The following MYRIP variants were observed in gnomAD, a reference collection of about 807,000 sequenced individuals.
MYRIP encodes the protein rab effector MyRIP.
Under a neutral mutation model 98.0 loss-of-function variants are expected in MYRIP, and 49 were observed. The ratio of observed to expected loss-of-function variants is 0.50; its 90% CI spans 0.40 to 0.63. The LOEUF is 0.63. Among genes scored for constraint, MYRIP ranks in the 30% least tolerant of loss-of-function variants. MYRIP has a pLI of 0.00. For missense variants in MYRIP, 1,004 were observed against 1,058.2 expected, an observed-to-expected ratio of 0.95 and a Z score of 0.71; for synonymous variants, 404 against 409.5, an observed-to-expected ratio of 0.99 and a Z score of 0.16.
At chr3:40,102,701 T>G (rs1948969178) in intron 3 of MYRIP, among the ~76,000 whole-genome samples, 1 of 151,804 alleles carries the variant, frequency 6.6e-6, no homozygotes, top group Admixed American at 6.6e-5. Context: ...CAGCCGGGAG[T>G]GTCACCTCTG....
chr3:39,896,544 G>C (rs1338942425), intron 1 of MYRIP, among the ~76,000 whole-genome samples: 1 of 152,176 alleles, frequency 6.6e-6, no homozygotes, highest in African/African-American at 2.4e-5. Flanking sequence ...AAATGTGAGA[G>C]TCTTAACATT....
chr3:40,092,457 A>C (rs1016526212), intron 3 of MYRIP, among the ~76,000 whole-genome samples: 1 of 152,144 alleles, frequency 6.6e-6, no homozygotes, highest in Admixed American at 6.5e-5. Flanking sequence ...TCTTAAGCTG[A>C]TGGAGGGGCA....
At chr3:40,235,567 A>T (rs576060140) in intron 12 of MYRIP, among the ~76,000 whole-genome samples, 17 of 152,378 alleles carry the variant, frequency 1.1e-4, no homozygotes, top group East Asian at 7.7e-4. Flanking sequence ...AAGAAAGGAA[A>T]TAAAACAAGT....
chr3:40,213,388 T>C (rs1482923024), intron 11 of MYRIP, among the ~76,000 whole-genome samples: 1 of 152,224 alleles, frequency 6.6e-6, no homozygotes, highest in Admixed American at 6.5e-5. Context: ...AGCTTCACTG[T>C]CATGAAATAA....
intron 16 of MYRIP, among the ~76,000 whole-genome samples, chr3:40,252,410 T>C (rs1311512668): frequency 3.9e-5 from 6 of 152,150 alleles, no homozygotes. Context: ...GAGCCAACTC[T>C]GGCCCCAAAC....
chr3:40,179,787 A>G (rs889894779), intron 8 of MYRIP, among the ~76,000 whole-genome samples: 6 of 152,210 alleles, frequency 3.9e-5, no homozygotes, highest in African/African-American at 1.4e-4. Context: ...TCAGTGCACA[A>G]CGATAACAGT....
intron 1 of MYRIP, among the ~76,000 whole-genome samples, chr3:39,867,516 A>C (rs942147508): frequency 6.6e-6 from 1 of 152,162 alleles, no homozygotes; most frequent in Non-Finnish European, 1.5e-5. Flanking sequence ...CAAATGATGA[A>C]TAGACATACA....
At chr3:39,911,392 C>T (rs1944017429) in intron 2 of MYRIP, among the ~76,000 whole-genome samples, 1 of 152,294 alleles carries the variant, frequency 6.6e-6, no homozygotes, top group East Asian at 1.9e-4. Flanking sequence ...TCCCCATAAT[C>T]CCACTTTCTT....
intron 1 of MYRIP, among the ~76,000 whole-genome samples, chr3:39,818,691 T>C (rs1047187729): frequency 1.3e-5 from 2 of 152,222 alleles, no homozygotes; most frequent in African/African-American, 4.8e-5. Context: ...TCAGTAAACA[T>C]CCTTGAAATT....
rs2002223 is a variant in MYRIP at position 39,835,909 on chromosome 3, C to A, written c.-31+25993C>A. 6.4e-3 allele frequency among the ~76,000 whole-genome samples: 971 copies of A among 152,306 alleles called. 18 individuals carry two copies. The highest frequency in any genetic ancestry group is 0.022 in the African/African-American group (907 of 41,574). ...GTTTCCAGCTTCATCCATGTCCCTG[C>A]AAAGGACATGAACTCATTCTTTTTT... is the stretch of plus-strand genomic sequence containing the variant. On this transcript the variant is annotated intron_variant, in intron 1 of 16. Transcript: ENST00000302541.
At chr3:40,149,508 C>G (rs546000145) in intron 3 of MYRIP, among the ~76,000 whole-genome samples, 2 of 152,314 alleles carry the variant, frequency 1.3e-5, no homozygotes, top group African/African-American at 2.4e-5. Context: ...AGTCTTAAAT[C>G]TGAAGTAGAT....
In MYRIP at chr3:39,850,951, C is replaced by T. The variant is rs115883853; in HGVS notation, c.-31+41035C>T. On this transcript the variant is annotated intron_variant, in intron 1 of 16. Coordinates refer to ENST00000302541, the MANE Select transcript of MYRIP (RefSeq NM_015460.4). Reference sequence around the variant, plus strand: ...TGCAGGGGATCCATATTAAAATACCCGAAGAATGTGAAGCAGACAGAGAAA... The same window carrying T: ...TGCAGGGGATCCATATTAAAATACCTGAAGAATGTGAAGCAGACAGAGAAA... Among the ~76,000 whole-genome samples, 767 of 151,808 alleles carry T rather than the reference C, an allele frequency of 5.1e-3. 8 individuals are homozygous for T. Among genetic ancestry groups the T allele is most frequent in the Non-Finnish European group, 4.4e-3 (299 of 67,976 alleles).
chr3:40,203,999 ATTATATATTATATATAATATATATTAT>A (rs1157498822), intron 10 of MYRIP, among the ~76,000 whole-genome samples: 172 of 1,082 alleles, frequency 0.16, 26 homozygotes, highest in African/African-American at 0.26. Context: ...TATTATATAT[ATTATATATTATATATAATATATATTAT>A]ATATATTATA....
At chr3:39,966,470 T>G (rs142698693) in intron 2 of MYRIP, among the ~76,000 whole-genome samples, 1 of 152,288 alleles carries the variant, frequency 6.6e-6, no homozygotes, top group East Asian at 1.9e-4. Context: ...TCTTAGTGAA[T>G]AGCATAGATA....
At chr3:40,175,056 G>T (rs1341883994) in intron 8 of MYRIP, among the ~76,000 whole-genome samples, 1 of 152,054 alleles carries the variant, frequency 6.6e-6, no homozygotes, top group Non-Finnish European at 1.5e-5. Flanking sequence ...CAGGAGAATG[G>T]CATGAACCTG....
intron 8 of MYRIP, among the ~76,000 whole-genome samples, chr3:40,176,577 C>T (rs887870059): frequency 1.3e-5 from 2 of 151,960 alleles, no homozygotes; most frequent in African/African-American, 4.8e-5. Context: ...CAGTGAGACC[C>T]CATCTCTACA....
chr3:39,834,861 CAA>C (rs1162181375), intron 1 of MYRIP, among the ~76,000 whole-genome samples: 1 of 151,554 alleles, frequency 6.6e-6, no homozygotes, highest in Non-Finnish European at 1.5e-5. Flanking sequence ...GATAAGGAAA[CAA>C]TATATCACAA....
intron 2 of MYRIP, among the ~76,000 whole-genome samples, chr3:39,993,512 C>T (rs1203841995): frequency 6.6e-6 from 1 of 152,158 alleles, no homozygotes; most frequent in East Asian, 1.9e-4. Flanking sequence ...AAAAGTACCA[C>T]CATGTTGGGT....
At chr3:40,235,868 G>A (rs1952809352) in intron 12 of MYRIP, among the ~76,000 whole-genome samples, 1 of 152,126 alleles carries the variant, frequency 6.6e-6, no homozygotes, top group Admixed American at 6.6e-5. Context: ...ACATTTAGAA[G>A]GGTTAAACAC....
Sources: allele counts gnomAD v4.1 joint callset (sites outside exome capture counted in the v4.1 genomes callset), GRCh38; gene constraint gnomAD v4.1.1; transcripts MANE v1.5; gene names NCBI Gene and HGNC (gene_info 2026-07-23, HGNC 2026-07-21).